The following ITGAL variants were observed in gnomAD, a reference collection of about 807,000 sequenced individuals.
ITGAL encodes the protein integrin subunit alpha L.
Under a neutral mutation model 138.4 loss-of-function variants are expected in ITGAL, and 68 were observed. The observed-to-expected ratio is 0.49, with a 90% CI of 0.40 to 0.60. The LOEUF is 0.60. ITGAL is among the 20% of genes least tolerant of loss of function. ITGAL has a pLI of 0.00. For missense variants in ITGAL, 1,256 were observed against 1,478.6 expected (o/e 0.85, Z 2.47); for synonymous variants, 561 against 584.3 (o/e 0.96, Z 0.57).
intron 15 of ITGAL, among the ~76,000 whole-genome samples, chr16:30,497,524 C>T (rs2050819908): frequency 6.6e-6 from 1 of 151,242 alleles, no homozygotes; most frequent in East Asian, 2.0e-4. Context: ...TTGCCCAGGC[C>T]AGAGTGCAGT....
chr16:30,484,167 T>C lies in ITGAL; in HGVS notation c.910T>C (p.Ser304Pro). The C allele has an allele frequency of 6.2e-7, 1 of 1,614,086 alleles. No individual in the cohort carries two copies. Among genetic ancestry groups the C allele is most frequent in the Non-Finnish European group, 8.5e-7 (1 of 1,180,006 alleles). The change falls in exon 9 of 31, where the codon TCA becomes CCA. Residue 304 changes from serine (S) to proline (P), a missense_variant. By Grantham distance (74) the Ser-to-Pro change is moderately conservative. This residue lies in a region of ITGAL where 177 missense variants were observed against 288.8 expected (regional missense o/e 0.61). Coordinates refer to ENST00000356798, the MANE Select transcript of ITGAL (RefSeq NM_002209.3). Reference sequence around the variant, plus strand: ...TCAGGAGACCCTCCACAAATTTGCATCAAAACCCGCGAGCGAGTTTGTGAA... The same window carrying C: ...TCAGGAGACCCTCCACAAATTTGCACCAAAACCCGCGAGCGAGTTTGTGAA... ...ESQETLHKFA[S>P]KPASEFVKIL...
chr16:30,515,374 A>G (rs1346661002), intron 25 of ITGAL, among the ~76,000 whole-genome samples: 1 of 151,970 alleles, frequency 6.6e-6, no homozygotes, highest in Non-Finnish European at 1.5e-5. Flanking sequence ...GGCTCCCAAC[A>G]TGGGCCATGA....
intron 9 of ITGAL, among the ~76,000 whole-genome samples, chr16:30,487,256 A>G (rs567074163): frequency 6.6e-6 from 1 of 151,770 alleles, no homozygotes; most frequent in East Asian, 1.9e-4. Flanking sequence ...GATTACAGGC[A>G]TGAGCCACTA....
intron 21 of ITGAL, among the ~76,000 whole-genome samples, chr16:30,508,238 A>T (rs1323903543): frequency 2.3e-4 from 23 of 99,010 alleles, no homozygotes; most frequent in Middle Eastern, 0.013. Flanking sequence ...TTTGAGACGA[A>T]GTCTTGCTCT....
chr16:30,522,030 C>T lies in ITGAL; in HGVS notation c.*365C>T. 4.7e-6 allele frequency: 1 copy of T among 213,610 alleles called. No individual in the cohort carries two copies. The highest frequency in any genetic ancestry group is 5.3e-5 in the Admixed American group (1 of 19,036). 13.2% of individuals were successfully genotyped at this position (213,610 alleles called of 1,614,324 possible). ...CCCTGCCCTGGGATGTCCACAGATGCCTCCACCCCCCAGAACCTGTCCTTG... is the reference window on the plus strand; with the variant it reads ...CCCTGCCCTGGGATGTCCACAGATGTCTCCACCCCCCAGAACCTGTCCTTG... On this transcript the variant is annotated 3_prime_UTR_variant, in exon 31 of 31. Coordinates refer to ENST00000356798, the MANE Select transcript of ITGAL (RefSeq NM_002209.3). This position sits in a 1 kb window ranked among gnomAD's most constrained non-coding sequence, Gnocchi z 4.0.
intron 4 of ITGAL, chr16:30,477,142 T>A (rs2050483256): frequency 1.3e-5 from 2 of 152,198 alleles, no homozygotes; most frequent in African/African-American, 4.8e-5. Flanking sequence ...TCCTTCTGTG[T>A]GAGAGATAGA....
intron 7 of ITGAL, among the ~76,000 whole-genome samples, chr16:30,481,889 G>GGTTTTT (rs942664925): frequency 6.6e-6 from 1 of 151,796 alleles, no homozygotes; most frequent in Non-Finnish European, 1.5e-5. Flanking sequence ...TTTGGTTTTT[G>GGTTTTT]GTTTTTGTTT....
At chr16:30,481,719 C>A in intron 7 of ITGAL, 135 bp downstream of exon 7, 1 of 722,130 alleles carries the variant, frequency 1.4e-6, no homozygotes, top group Non-Finnish European at 2.4e-6. Flanking sequence ...TGAAGTGGAA[C>A]AATTTTACTG....
intron 9 of ITGAL, among the ~76,000 whole-genome samples, chr16:30,486,972 T>G (rs2050656014): frequency 1.3e-5 from 2 of 151,604 alleles, no homozygotes; most frequent in African/African-American, 2.4e-5. Flanking sequence ...ATTTTTAAAT[T>G]TTTTGTAGAG....
At chr16:30,498,010 G>A (rs573057477) in intron 15 of ITGAL, among the ~76,000 whole-genome samples, 12 of 151,742 alleles carry the variant, frequency 7.9e-5, no homozygotes, top group Non-Finnish European at 1.2e-4. Flanking sequence ...TTGGGAGGCC[G>A]AGGTGGGTGG....
chr16:30,521,096 AAAAT>A (rs2051246142), intron 30 of ITGAL, among the ~76,000 whole-genome samples: 1 of 151,932 alleles, frequency 6.6e-6, no homozygotes, highest in Admixed American at 6.6e-5. Flanking sequence ...AAAATAAAAT[AAAAT>A]AAATAAAATA....
chr16:30,499,192 A>C lies in ITGAL; in HGVS notation c.1951A>C (p.Thr651Pro). The C allele has an allele frequency of 6.2e-7, 1 of 1,614,192 alleles. No individual in the cohort carries two copies. The highest frequency in any genetic ancestry group is 8.5e-7 in the Non-Finnish European group (1 of 1,180,026). The change falls in exon 16 of 31, where the codon ACA (threonine) becomes CCA (proline). Residue 651 changes from threonine to proline, a missense_variant. Thr to Pro is a conservative substitution (Grantham distance 38, BLOSUM62 -1). Coordinates refer to ENST00000356798, the MANE Select transcript of ITGAL (RefSeq NM_002209.3). ...CAAGATGAAAGAAGGAGTTAATATCACAATCTGTTTCCAGATCAAGTCTCT... is the reference window on the plus strand; with the variant it reads ...CAAGATGAAAGAAGGAGTTAATATCCCAATCTGTTTCCAGATCAAGTCTCT... ...SNKMKEGVNI[T>P]ICFQIKSLIP...
chr16:30,503,936 G>A (rs1002214443), intron 17 of ITGAL: 8 of 374,522 alleles, frequency 2.1e-5, no homozygotes, highest in African/African-American at 1.3e-4. Flanking sequence ...AAAGTGCTGG[G>A]ATTGATTAGT....
Position 30,472,860 on chromosome 16 carries a change from T to C in ITGAL, c.23T>C (p.Val8Ala), listed in dbSNP as rs149285825. The C allele has an allele frequency of 1.2e-6, 2 of 1,613,004 alleles. No homozygotes were observed. The highest frequency in any genetic ancestry group is 1.7e-6 in the Non-Finnish European group (2 of 1,179,834). Residue 8 changes from valine to alanine, a missense_variant, in exon 1 of 31, where the codon GTG (valine) becomes GCG (alanine). Val to Ala is a moderately conservative substitution (Grantham distance 64, BLOSUM62 0). This residue lies in a region of ITGAL where 212 missense variants were observed against 217.4 expected (regional missense o/e 0.98). Transcript: ENST00000356798. Reference protein sequence around the residue: MKDSCITVMAMALLSGFF... With the variant: MKDSCITAMAMALLSGFF... ...AGGATGAAGGATTCCTGCATCACTG[T>C]GATGGCCATGGCGCTGCTGTCTGGG...
intron 1 of ITGAL, 114 bp from the exon 2 acceptor site, chr16:30,474,082 G>T: frequency 1.3e-6 from 1 of 751,126 alleles, no homozygotes; most frequent in South Asian, 1.5e-5. Context: ...GGGAAGCGCA[G>T]GGTGCGGGTG....
intron 9 of ITGAL, chr16:30,488,833 C>T (rs373170302): frequency 2.1e-5 from 10 of 482,560 alleles, no homozygotes; most frequent in Non-Finnish European, 3.4e-5. Flanking sequence ...GCTGTGATTG[C>T]GCCACTGCAC....
chr16:30,476,124 G>A (rs1279091343), intron 4 of ITGAL, among the ~76,000 whole-genome samples: 2 of 151,960 alleles, frequency 1.3e-5, no homozygotes, highest in Admixed American at 6.6e-5. Flanking sequence ...GGTCGCGGGC[G>A]CCTGTAGTCC....
chr16:30,474,313 A>C lies in ITGAL; in HGVS notation c.164+15A>C. ...GTCGGAAACGGGTGAGCTGTGCCCC[A>C]CAAGTCCTCCTCCTGATGCCCGCCC... On this transcript the variant is annotated intron_variant, in intron 2 of 30. Transcript: ENST00000356798. The C allele has an allele frequency of 3.2e-6, 5 of 1,572,940 alleles. No homozygotes were observed. The highest frequency in any genetic ancestry group is 4.3e-6 in the Non-Finnish European group (5 of 1,152,972).
chr16:30,475,732 G>C, intron 4 of ITGAL, 152 bp downstream of exon 4: 4 of 251,770 alleles, frequency 1.6e-5, no homozygotes, highest in South Asian at 4.2e-5. Flanking sequence ...TGATGAACCA[G>C]CCTTTTTTTT....
Sources: allele counts gnomAD v4.1 joint callset (sites outside exome capture counted in the v4.1 genomes callset), GRCh38; gene constraint gnomAD v4.1.1; regional missense constraint gnomAD v4.1.1; non-coding constraint Gnocchi (gnomAD v3.1); transcripts MANE v1.5; gene names NCBI Gene and HGNC (gene_info 2026-07-23, HGNC 2026-07-21).